GRID1: variants seen among roughly 807,000 people sequenced by gnomAD.
GRID1 encodes glutamate ionotropic receptor delta type subunit 1, also known as glutamate receptor ionotropic, delta-1.
Under a neutral mutation model 98.0 loss-of-function variants are expected in GRID1, and 28 were observed. That is an observed-to-expected ratio of 0.29 (90% CI 0.21 to 0.39). GRID1 has a LOEUF of 0.39. Among genes scored for constraint, GRID1 ranks in the 10% least tolerant of loss-of-function variants. GRID1 has a pLI of 1.00. For synonymous variants in GRID1, 553 were observed against 538.5 expected (o/e 1.03, Z -0.37); for missense variants, 1,111 against 1,340.5 (o/e 0.83, Z 2.67).
At chr10:85,617,233 C>T (rs376769903) in intron 14 of GRID1, among the ~76,000 whole-genome samples, 8 of 143,440 alleles carry the variant, frequency 5.6e-5, no homozygotes, top group African/African-American at 1.8e-4. Context: ...AAGCCCCCCC[C>T]CCCTTTTATT....
chr10:85,712,523 G>A (rs1345585722), intron 12 of GRID1, among the ~76,000 whole-genome samples: 1 of 151,836 alleles, frequency 6.6e-6, no homozygotes, highest in Non-Finnish European at 1.5e-5. Context: ...CATCCAGGCA[G>A]AAAGTCAATA....
At chr10:85,719,189 T>C (rs903695540) in intron 12 of GRID1, among the ~76,000 whole-genome samples, 8 of 152,212 alleles carry the variant, frequency 5.3e-5, no homozygotes, top group Admixed American at 2.0e-4. Flanking sequence ...TTATTGTTTG[T>C]TTCACTATCA....
At chr10:86,051,621 T>C (rs994272138) in intron 4 of GRID1, among the ~76,000 whole-genome samples, 1 of 151,110 alleles carries the variant, frequency 6.6e-6, no homozygotes, top group Non-Finnish European at 1.5e-5. Flanking sequence ...AGTAGAAAAA[T>C]AGGCAAAGTA....
At chr10:85,842,443 TA>T (rs1842969693) in intron 8 of GRID1, among the ~76,000 whole-genome samples, 1 of 151,982 alleles carries the variant, frequency 6.6e-6, no homozygotes, top group African/African-American at 2.4e-5. Context: ...GTAACAAGCC[TA>T]AACATGTATT....
intron 2 of GRID1, among the ~76,000 whole-genome samples, chr10:86,292,768 C>T (rs907282247): frequency 5.3e-5 from 8 of 150,868 alleles, no homozygotes; most frequent in East Asian, 1.9e-4. Flanking sequence ...GTGAGTGTGA[C>T]GGTGTCTGTG....
chr10:85,936,331 C>T (rs1167274777), intron 4 of GRID1, among the ~76,000 whole-genome samples: 2 of 152,326 alleles, frequency 1.3e-5, no homozygotes, highest in East Asian at 3.9e-4. Context: ...TGGAAAAATT[C>T]ACACCAAACT....
At chr10:85,962,930 A>T (rs895116157) in intron 4 of GRID1, among the ~76,000 whole-genome samples, 4 of 152,134 alleles carry the variant, frequency 2.6e-5, no homozygotes, top group Admixed American at 2.0e-4. Flanking sequence ...GTTTACAGGG[A>T]AAGACAGGCA....
intron 2 of GRID1, among the ~76,000 whole-genome samples, chr10:86,355,763 G>C (rs74535768): frequency 0.011 from 1,609 of 152,368 alleles, 29 homozygotes; most frequent in African/African-American, 0.036. Flanking sequence ...CCTGGGCCCA[G>C]TGCCTGTCAG....
chr10:85,781,494 T>A (rs548089155), intron 8 of GRID1, among the ~76,000 whole-genome samples: 3 of 152,184 alleles, frequency 2.0e-5, no homozygotes, highest in African/African-American at 7.2e-5. Flanking sequence ...ATTGATTACA[T>A]GAGCTGCAGT....
intron 2 of GRID1, among the ~76,000 whole-genome samples, chr10:86,251,192 G>A (rs560416728): frequency 1.3e-5 from 2 of 150,528 alleles, no homozygotes; most frequent in South Asian, 4.2e-4. Context: ...ACTACCCAGG[G>A]ACACAATCAC....
chr10:85,912,451 A>G (rs1171406384), intron 5 of GRID1, among the ~76,000 whole-genome samples: 1 of 152,220 alleles, frequency 6.6e-6, no homozygotes. Flanking sequence ...TACTCACCAG[A>G]AAGAAAAGAG....
intron 12 of GRID1, among the ~76,000 whole-genome samples, chr10:85,678,268 T>G (rs1246618853): frequency 6.6e-6 from 1 of 152,132 alleles, no homozygotes; most frequent in East Asian, 1.9e-4. Context: ...AAACCTCAAC[T>G]GGGATGCTTC....
chr10:85,935,219 A>G (rs1051515417), intron 4 of GRID1, among the ~76,000 whole-genome samples: 12 of 152,204 alleles, frequency 7.9e-5, no homozygotes, highest in Non-Finnish European at 1.3e-4. Flanking sequence ...ATCATACAGA[A>G]AATAAGAGGC....
chr10:85,700,582 C>A (rs1346171786), intron 12 of GRID1, among the ~76,000 whole-genome samples: 1 of 152,148 alleles, frequency 6.6e-6, no homozygotes, highest in Non-Finnish European at 1.5e-5. Context: ...CAACCTCATG[C>A]CAATGCTGCC....
In GRID1 at chr10:85,669,019, A is replaced by G. The variant is rs181697224; in HGVS notation, c.1998-21622T>C. On this transcript the variant is annotated intron_variant, in intron 12 of 15. Coordinates refer to ENST00000327946, the MANE Select transcript of GRID1 (RefSeq NM_017551.3). ...TGGCAAAGCCAGGTGTTTGAAAAAC[A>G]TTATCCAAGTTAGAAATCCCCTTGG... 2.4e-3 allele frequency among the ~76,000 whole-genome samples: 371 copies of G among 152,366 alleles called. 3 individuals are homozygous for G. The highest frequency in any genetic ancestry group is 8.3e-3 in the African/African-American group (347 of 41,596).
chr10:85,974,118 T>C (rs916413005), intron 4 of GRID1, among the ~76,000 whole-genome samples: 1 of 152,166 alleles, frequency 6.6e-6, no homozygotes, highest in African/African-American at 2.4e-5. Flanking sequence ...CTACGGAAAG[T>C]CTATGCTCAG....
intron 4 of GRID1, among the ~76,000 whole-genome samples, chr10:85,950,451 A>G (rs1320621604): frequency 6.6e-6 from 1 of 152,190 alleles, no homozygotes; most frequent in Non-Finnish European, 1.5e-5. Flanking sequence ...TGTCCAAAGA[A>G]AAGCAAGATG....
intron 12 of GRID1, among the ~76,000 whole-genome samples, chr10:85,712,264 G>A (rs986724012): frequency 6.6e-6 from 1 of 151,708 alleles, no homozygotes; most frequent in African/African-American, 2.4e-5. Flanking sequence ...CTGTACAGGT[G>A]CCTCACTGTG....
intron 8 of GRID1, among the ~76,000 whole-genome samples, chr10:85,781,483 T>C (rs1341344995): frequency 6.6e-6 from 1 of 152,218 alleles, no homozygotes; most frequent in African/African-American, 2.4e-5. Context: ...AATACAACAT[T>C]ATTGATTACA....
Sources: gnomAD v4.1 joint callset for allele counts (sites outside exome capture counted in the v4.1 genomes callset) on GRCh38, gnomAD v4.1.1 for gene constraint, MANE v1.5 for transcripts, NCBI Gene and HGNC (gene_info 2026-07-23, HGNC 2026-07-21) for gene names.